FRMD1: variants seen among roughly 807,000 people sequenced by gnomAD.
FRMD1 encodes FERM domain-containing protein 1.
FRMD1 carries 51 observed loss-of-function variants against 54.9 expected under a neutral mutation model. The observed-to-expected ratio is 0.93, with a 90% CI of 0.74 to 1.17. The LOEUF is 1.17. FRMD1 is among the 50% of genes most tolerant of loss of function. FRMD1 has a pLI of 0.00. For missense variants in FRMD1, 729 were observed against 743.0 expected (o/e 0.98, Z 0.22); for synonymous variants, 324 against 306.4 (o/e 1.06, Z -0.60).
At chr6:168,088,379 G>A (rs1446825390) in intron 1 of FRMD1, among the ~76,000 whole-genome samples, 1 of 152,178 alleles carries the variant, frequency 6.6e-6, no homozygotes, top group East Asian at 1.9e-4. Flanking sequence ...GTGGCCGGGA[G>A]GCAAGGCGAG....
chr6:168,075,736 C>A (rs769229584), intron 1 of FRMD1: 2 of 1,545,816 alleles, frequency 1.3e-6, no homozygotes, highest in African/African-American at 2.7e-5. Context: ...ATCGGTGTCT[C>A]ACATCATCCA....
chr6:168,064,952 C>G lies in FRMD1; in HGVS notation c.567G>C (p.Ala189=). ...EEAYFLLAAC[A]LQADLGEHRE... Reference sequence around the variant, plus strand: ...GGTGCTCGCCCAGGTCAGCCTGCAGCGCGCAGGCAGCCAGCAGGAAGTAGG... The same window carrying G: ...GGTGCTCGCCCAGGTCAGCCTGCAGGGCGCAGGCAGCCAGCAGGAAGTAGG... The change falls in exon 5 of 11, where the codon GCG becomes GCC. Residue 189 remains alanine, a synonymous_variant. Coordinates refer to ENST00000283309, the MANE Select transcript of FRMD1 (RefSeq NM_024919.6). 6.2e-7 allele frequency: 1 copy of G among 1,611,452 alleles called. No homozygotes were observed. Among genetic ancestry groups the G allele is most frequent in the Non-Finnish European group, 8.5e-7 (1 of 1,179,570 alleles).
intron 5 of FRMD1, among the ~76,000 whole-genome samples, chr6:168,064,026 C>T (rs1364020314): frequency 2.6e-5 from 4 of 152,234 alleles, no homozygotes; most frequent in Non-Finnish European, 5.9e-5. Context: ...CAGGTGGGGA[C>T]TCTACTCCCA....
At chr6:168,085,070 C>A (rs1224615359), upstream of FRMD1, among the ~76,000 whole-genome samples, 1 of 152,238 alleles carries the variant, frequency 6.6e-6, no homozygotes, top group Non-Finnish European at 1.5e-5. Flanking sequence ...CCCTCCACCA[C>A]CACTGAGCTC....
upstream of FRMD1, among the ~76,000 whole-genome samples, chr6:168,084,549 C>T (rs1800886642): frequency 6.6e-6 from 1 of 152,164 alleles, no homozygotes; most frequent in Non-Finnish European, 1.5e-5. Flanking sequence ...GATGCAGTCT[C>T]GTGGGGGAGG....
chr6:168,091,723 G>A (rs1056357884), intron 1 of FRMD1, among the ~76,000 whole-genome samples: 23 of 152,194 alleles, frequency 1.5e-4, no homozygotes, highest in Non-Finnish European at 2.6e-4. Context: ...AGAGGCCCAC[G>A]GGCTGGAACC....
At position 168,059,444 on chromosome 6, in the gene FRMD1, T is replaced by C. The variant is rs540295406; in HGVS notation, c.1343-256A>G. Reference sequence around the variant, plus strand: ...TTACAGGCCACAGAGCTTGCATACATCCTCAGAGATGGAGGCCAACCATCC... The same window carrying C: ...TTACAGGCCACAGAGCTTGCATACACCCTCAGAGATGGAGGCCAACCATCC... On this transcript the variant is annotated intron_variant, in intron 9 of 10. Coordinates refer to ENST00000283309, the MANE Select transcript of FRMD1 (RefSeq NM_024919.6). The surrounding 1 kb of genome is among the most constrained non-coding windows in gnomAD (Gnocchi z 4.4). Among the ~76,000 whole-genome samples the C allele has an allele frequency of 1.5e-3, 225 of 152,274 alleles. 2 individuals are homozygous for C. The highest frequency in any genetic ancestry group is 5.2e-3 in the African/African-American group (217 of 41,558).
chr6:168,060,301 TAGG>T (rs372349559), intron 9 of FRMD1, among the ~76,000 whole-genome samples: 10 of 120,806 alleles, frequency 8.3e-5, no homozygotes, highest in African/African-American at 3.3e-4. Context: ...GGGAGCTTCC[TAGG>T]AGTTTTGTTG....
chr6:168,086,948 C>T (rs994601034), intron 1 of FRMD1, among the ~76,000 whole-genome samples: 8 of 152,304 alleles, frequency 5.3e-5, no homozygotes, highest in Middle Eastern at 3.4e-3. Flanking sequence ...GTGACCCAGC[C>T]GCCTCAGAGA....
chr6:168,083,161 C>T (rs147261249), upstream of FRMD1, among the ~76,000 whole-genome samples: 747 of 152,332 alleles, frequency 4.9e-3, 4 homozygotes, highest in Non-Finnish European at 6.4e-3. Flanking sequence ...GGTCCACGAA[C>T]ACCCTCAGCC....
At chr6:168,088,588 CAG>C (rs1277308790) in intron 1 of FRMD1, among the ~76,000 whole-genome samples, 1 of 152,216 alleles carries the variant, frequency 6.6e-6, no homozygotes, top group Non-Finnish European at 1.5e-5. Flanking sequence ...GGAAGGAAGA[CAG>C]GAGCTGTGAA....
Position 168,057,182 on chromosome 6 carries a change from C to G in FRMD1, c.1565G>C (p.Arg522Thr), listed in dbSNP as rs1373915257. 4 of 1,593,702 alleles carry G rather than the reference C, an allele frequency of 2.5e-6. No individual in the cohort carries two copies. The African/African-American group carries it at 5.4e-5, about 21-fold the overall frequency. ...GGACCTCTTGCTGGGGAGAGTGGCC[C>G]TGGTCTCGCAGGGGCCTGCCAGCCT... ...DCRLAGPCET[R>T]ATLPSKRSSN... The change falls in exon 11 of 11, where the codon AGG (arginine) becomes ACG (threonine). Residue 522 changes from arginine to threonine, a missense_variant. Coordinates refer to ENST00000283309, the MANE Select transcript of FRMD1 (RefSeq NM_024919.6).
chr6:168,087,765 A>C (rs1210089439), intron 1 of FRMD1, among the ~76,000 whole-genome samples: 2 of 152,202 alleles, frequency 1.3e-5, no homozygotes, highest in Non-Finnish European at 2.9e-5. Context: ...GAGGGGCTGA[A>C]GCAGGACCCA....
At chr6:168,089,186 G>T (rs958410880) in intron 1 of FRMD1, among the ~76,000 whole-genome samples, 2 of 152,254 alleles carry the variant, frequency 1.3e-5, no homozygotes, top group Non-Finnish European at 2.9e-5. Flanking sequence ...GCCTCCGCCA[G>T]TGGTTCCCTG....
rs116208982 is a variant in FRMD1, at chr6:168,089,756, C to T, written c.-11-10732G>A. Among the ~76,000 whole-genome samples, 861 of 152,332 alleles carry T rather than the reference C, an allele frequency of 5.7e-3. 13 individuals carry two copies. Among genetic ancestry groups the T allele is most frequent in the African/African-American group, 0.019 (802 of 41,568 alleles). ...ACGGGCACAGCAACTCTGTTTTACA[C>T]AGAGACACTGCTCAGGTTTCACTAG... is the stretch of plus-strand genomic sequence containing the variant. On this transcript the variant is annotated intron_variant, in intron 1 of 12. Transcript: ENST00000644440.
chr6:168,080,123 T>C (rs566572436), upstream of FRMD1, among the ~76,000 whole-genome samples: 2 of 152,218 alleles, frequency 1.3e-5, no homozygotes, highest in East Asian at 3.9e-4. Flanking sequence ...TTGTTCATCT[T>C]AGGAAATTCG....
chr6:168,066,518 C>T lies in FRMD1; in HGVS notation c.461+237G>A, dbSNP rs990779128. 4 of 1,271,782 alleles carry T rather than the reference C, an allele frequency of 3.1e-6. No individual in the cohort carries two copies. The African/African-American group carries it at 6.2e-5, about 20-fold the overall frequency. The allele number at this position is 1,271,782 out of a possible 1,614,324, so 78.8% of individuals were successfully genotyped here. ...CGTCTCAAAACAAAACAAAACAAAA[C>T]AAAAAGAAAAAGAAAAGAAAAAGAA... On this transcript the variant is annotated intron_variant, in intron 4 of 10. Coordinates refer to ENST00000283309, the MANE Select transcript of FRMD1 (RefSeq NM_024919.6).
In FRMD1 at chr6:168,057,189, C is replaced by T. The variant is rs144542742; in HGVS notation, c.1558G>A (p.Glu520Lys). Reference sequence around the variant, plus strand: ...TTGCTGGGGAGAGTGGCCCTGGTCTCGCAGGGGCCTGCCAGCCTGCAGTCC... The same window carrying T: ...TTGCTGGGGAGAGTGGCCCTGGTCTTGCAGGGGCCTGCCAGCCTGCAGTCC... ...ALDCRLAGPCETRATLPSKRS... is the reference protein window; with the variant it reads ...ALDCRLAGPCKTRATLPSKRS... Residue 520 changes from glutamate (E) to lysine (K), a missense_variant, in exon 11 of 11, where the codon GAG (glutamate) becomes AAG (lysine). Physicochemically the swap from Glu to Lys is moderately conservative, Grantham distance 56 (BLOSUM62 1). Coordinates refer to ENST00000283309, the MANE Select transcript of FRMD1 (RefSeq NM_024919.6). The T allele has an allele frequency of 1.2e-4, 187 of 1,598,228 alleles. No homozygotes were observed. Among genetic ancestry groups the T allele is most frequent in the African/African-American group, 1.1e-3 (81 of 74,848 alleles).
chr6:168,065,104 TG>T (rs1405644384), intron 4 of FRMD1, 47 bp from the exon 5 acceptor site: 1 of 1,556,922 alleles, frequency 6.4e-7, no homozygotes, highest in East Asian at 2.3e-5. Context: ...GTGTGGGGAC[TG>T]CTGGCCCCTC....
Sources: allele counts gnomAD v4.1 joint callset (sites outside exome capture counted in the v4.1 genomes callset), GRCh38; gene constraint gnomAD v4.1.1; non-coding constraint Gnocchi (gnomAD v3.1); transcripts MANE v1.5; gene names NCBI Gene and HGNC (gene_info 2026-07-23, HGNC 2026-07-21).